PIGL: variants seen among roughly 807,000 people sequenced by gnomAD.
PIGL encodes the protein phosphatidylinositol glycan anchor biosynthesis class L, also known as N-acetylglucosaminyl-phosphatidylinositol de-N-acetylase.
In PIGL, 22 loss-of-function variants were observed where a neutral mutation model predicts 31.1. The ratio of observed to expected loss-of-function variants is 0.71; its 90% CI spans 0.51 to 1.01. The LOEUF is 1.01. Ranked by LOEUF, PIGL falls within the 50% of genes least tolerant of loss-of-function variation. PIGL has a pLI of 0.00. For missense variants in PIGL, 302 were observed against 315.9 expected (o/e 0.96, Z 0.33); for synonymous variants, 131 against 117.4 (o/e 1.12, Z -0.75).
At position 16,234,017 on chromosome 17, in the gene PIGL, G is replaced by A; in HGVS notation, c.282G>A (p.Gln94=). ...QGETRKKELL[Q]SCDVLGIPLS... ...AGACTCGTAAGAAAGAACTTTTGCA[G>A]AGCTGTGATGTTTTGGGGATTCCAC... Residue 94 remains glutamine, a synonymous_variant, in exon 2 of 7, where the codon CAG becomes CAA. Transcript: ENST00000225609. The A allele has an allele frequency of 6.2e-7, 1 of 1,610,074 alleles. No homozygotes were observed. Among genetic ancestry groups the A allele is most frequent in the Non-Finnish European group, 8.5e-7 (1 of 1,176,460 alleles).
At chr17:16,217,821 A>T in intron 1 of PIGL, 1 of 226,836 alleles carries the variant, frequency 4.4e-6, no homozygotes, top group Non-Finnish European at 8.8e-6. Context: ...TAGCACACGA[A>T]ACAATCTATG....
chr17:16,296,120 C>T (rs1251071457), intron 2 of PIGL, among the ~76,000 whole-genome samples: 2 of 152,110 alleles, frequency 1.3e-5, no homozygotes, highest in Non-Finnish European at 2.9e-5. Context: ...ATGTTAAACC[C>T]TGTTGGTATA....
chr17:16,245,227 G>T (rs1212270582), intron 2 of PIGL, among the ~76,000 whole-genome samples: 2 of 151,470 alleles, frequency 1.3e-5, no homozygotes, highest in African/African-American at 4.9e-5. Flanking sequence ...TCTTGACCTC[G>T]TGATCCACCC....
At chr17:16,258,103 A>AGAGAGAGAGAGAGAGAGAGAGAGAGAG (rs2092803342) in intron 2 of PIGL, among the ~76,000 whole-genome samples, 3 of 65,698 alleles carry the variant, frequency 4.6e-5, no homozygotes, top group Non-Finnish European at 8.6e-5. Flanking sequence ...GAGAGAGAGA[A>AGAGAGAGAGAGAGAGAGAGAGAGAGAG]AGAGAGAGAG....
chr17:16,254,267 T>C (rs2092784217), intron 2 of PIGL, among the ~76,000 whole-genome samples: 1 of 152,152 alleles, frequency 6.6e-6, no homozygotes, highest in Admixed American at 6.6e-5. Context: ...TTTTTTTTTC[T>C]TTTTTTCTTT....
At chr17:16,234,426 G>A (rs1038982674) in intron 2 of PIGL, among the ~76,000 whole-genome samples, 11 of 151,830 alleles carry the variant, frequency 7.2e-5, no homozygotes, top group African/African-American at 1.9e-4. Flanking sequence ...CATCCTGGGC[G>A]ACAGTGAGAC....
Position 16,251,413 on chromosome 17 carries a change from ACT to A in PIGL, c.335+17346_335+17347del, listed in dbSNP as rs2092770983. Among the ~76,000 whole-genome samples, 3 of 134,560 alleles carry A rather than the reference ACT, an allele frequency of 2.2e-5. No individual in the cohort carries two copies. The South Asian group carries it at 7.0e-4, about 31-fold the overall frequency. The allele number at this position is 134,560 out of a possible 152,430, so 88.3% of individuals were successfully genotyped here. On this transcript the variant is annotated intron_variant, in intron 2 of 6. Transcript: ENST00000225609. ...ACCCCAGCCTGGGCAATGGAACAAG[ACT>A]CTGTCTCAAAAAAAAAAAAAAAAGA...
chr17:16,298,728 G>A (rs1008592087), intron 2 of PIGL, among the ~76,000 whole-genome samples: 6 of 152,088 alleles, frequency 3.9e-5, no homozygotes, highest in East Asian at 1.9e-4. Context: ...TAACTTCATC[G>A]GTAAAGGCTC....
chr17:16,234,932 G>T (rs1158882956), intron 2 of PIGL, among the ~76,000 whole-genome samples: 1 of 151,984 alleles, frequency 6.6e-6, no homozygotes, highest in Non-Finnish European at 1.5e-5. Flanking sequence ...AAAGTATAAA[G>T]AATAGTATCA....
chr17:16,240,235 A>G (rs1052775419), intron 2 of PIGL, among the ~76,000 whole-genome samples: 1 of 151,998 alleles, frequency 6.6e-6, no homozygotes, highest in South Asian at 2.1e-4. Context: ...TTCTGCCATG[A>G]TTGGAAGCTT....
intron 2 of PIGL, among the ~76,000 whole-genome samples, chr17:16,273,640 G>C (rs2092881584): frequency 6.6e-6 from 1 of 151,958 alleles, no homozygotes; most frequent in Non-Finnish European, 1.5e-5. Context: ...ATAGTTTCTA[G>C]TGCTGCTACA....
chr17:16,274,786 T>C (rs12948244), intron 2 of PIGL, among the ~76,000 whole-genome samples: 82,353 of 149,514 alleles, frequency 0.55, 22,904 homozygotes, highest in Middle Eastern at 0.66. Context: ...AATATCAGCG[T>C]TTTAGGAGGC....
chr17:16,236,542 A>G (rs2092700298), intron 2 of PIGL, among the ~76,000 whole-genome samples: 2 of 152,156 alleles, frequency 1.3e-5, no homozygotes, highest in African/African-American at 2.4e-5. Context: ...CATAACCAGC[A>G]TAGTAGGAGT....
chr17:16,254,373 A>T (rs1473366125), intron 2 of PIGL, among the ~76,000 whole-genome samples: 1 of 151,944 alleles, frequency 6.6e-6, no homozygotes, highest in African/African-American at 2.4e-5. Context: ...GGTTCAAGCG[A>T]TTCTCCTACC....
Position 16,315,106 on chromosome 17 carries a change from C to T in PIGL, c.494+1492C>T, listed in dbSNP as rs527777374. ...ACTGAAGTGGAGAAAATAGAGAAGG[C>T]GTCATTCTGGGCAGAGAAAGAACCC... On this transcript the variant is annotated intron_variant, in intron 4 of 6. Transcript: ENST00000225609. Among the ~76,000 whole-genome samples the T allele has an allele frequency of 5.9e-4, 90 of 152,240 alleles. 3 individuals carry two copies. The South Asian group carries it at 0.012, about 20-fold the overall frequency.
At chr17:16,257,926 T>C (rs1332912452) in intron 2 of PIGL, among the ~76,000 whole-genome samples, 3 of 151,162 alleles carry the variant, frequency 2.0e-5, no homozygotes, top group African/African-American at 7.3e-5. Flanking sequence ...AACTGGGTGT[T>C]GTGGCGGGCA....
intron 1 of PIGL, among the ~76,000 whole-genome samples, chr17:16,229,481 C>CTTT (rs71353784): frequency 9.6e-5 from 11 of 114,218 alleles, no homozygotes; most frequent in African/African-American, 2.7e-4. Context: ...ACCGGTTTTC[C>CTTT]TTTTTTTTTT....
Position 16,291,294 on chromosome 17 carries a change from G to T in PIGL, c.336-8594G>T, listed in dbSNP as rs534286856. Among the ~76,000 whole-genome samples, 8 of 152,034 alleles carry T rather than the reference G, an allele frequency of 5.3e-5. No individual in the cohort carries two copies. In the South Asian group the frequency reaches 1.7e-3, roughly 32 times the overall value. On this transcript the variant is annotated intron_variant, in intron 2 of 6. Transcript: ENST00000225609. ...GGCTGAGGCGGGCGGATCACTTGAG[G>T]TCGGGAGTTTGAGAACAGCCTGGCC...
At chr17:16,316,854 T>G (rs566477589) in intron 5 of PIGL, 142 bp downstream of exon 5, 2 of 1,468,574 alleles carry the variant, frequency 1.4e-6, no homozygotes, top group East Asian at 5.0e-5. Context: ...TCTTCCTGAC[T>G]CACCTCAAGG....
Sources: allele counts gnomAD v4.1 joint callset (sites outside exome capture counted in the v4.1 genomes callset), GRCh38; gene constraint gnomAD v4.1.1; transcripts MANE v1.5; gene names NCBI Gene and HGNC (gene_info 2026-07-23, HGNC 2026-07-21).